NUP62: variants seen among roughly 807,000 people sequenced by gnomAD.
NUP62 encodes nucleoporin 62.
For missense variants in NUP62, 647 were observed against 689.4 expected (o/e 0.94, Z 0.69); for synonymous variants, 305 against 303.4 (o/e 1.01, Z -0.05).
At chr19:49,912,304 G>A (rs2075488300) in intron 2 of NUP62, among the ~76,000 whole-genome samples, 1 of 152,006 alleles carries the variant, frequency 6.6e-6, no homozygotes, top group South Asian at 2.1e-4. Context: ...AAGTAGCTGG[G>A]ATTACAGGCG....
intron 2 of NUP62, among the ~76,000 whole-genome samples, chr19:49,923,195 C>G (rs79313658): frequency 6.6e-6 from 1 of 152,164 alleles, no homozygotes; most frequent in Non-Finnish European, 1.5e-5. Flanking sequence ...TCCCAGCCCC[C>G]GCGTCATCCT....
At chr19:49,912,791 A>G (rs1444422840) in intron 2 of NUP62, 1 of 149,086 alleles carries the variant, frequency 6.7e-6, no homozygotes, top group Non-Finnish European at 1.5e-5. Context: ...ACTGGAGCCC[A>G]GGGAGGTGGA....
intron 2 of NUP62, among the ~76,000 whole-genome samples, chr19:49,920,781 G>C (rs750651990): frequency 6.6e-6 from 1 of 152,246 alleles, no homozygotes; most frequent in Non-Finnish European, 1.5e-5. Flanking sequence ...GGCCTGGAGA[G>C]GGACTGAGGC....
intron 2 of NUP62, among the ~76,000 whole-genome samples, chr19:49,926,208 C>CAAAAAAAA (rs33981121): frequency 2.4e-5 from 1 of 42,514 alleles, no homozygotes; most frequent in Non-Finnish European, 4.2e-5. Flanking sequence ...GACTCTGTCT[C>CAAAAAAAA]AAAAAAAAAA....
At chr19:49,926,994 G>T (rs1008267180) in intron 2 of NUP62, among the ~76,000 whole-genome samples, 2 of 151,912 alleles carry the variant, frequency 1.3e-5, no homozygotes, top group African/African-American at 4.8e-5. Flanking sequence ...TGAGTAGCTG[G>T]GACCACAGGT....
intron 2 of NUP62, among the ~76,000 whole-genome samples, chr19:49,923,008 A>T (rs565422176): frequency 1.3e-5 from 2 of 152,256 alleles, no homozygotes; most frequent in East Asian, 3.9e-4. Flanking sequence ...CCAGACCACT[A>T]AGCGGTGAGT....
chr19:49,911,050 G>A (rs1461486297), intron 2 of NUP62: 1 of 152,226 alleles, frequency 6.6e-6, no homozygotes, highest in African/African-American at 2.4e-5. Context: ...GACTACAGGT[G>A]CATGCCACCA....
At chr19:49,917,935 G>A (rs2075666028) in intron 2 of NUP62, 1 of 152,376 alleles carries the variant, frequency 6.6e-6, no homozygotes, top group African/African-American at 2.4e-5. Context: ...GAGAGGCTGA[G>A]GCGGAGGTTG....
chr19:49,918,460 A>G (rs960851886), intron 2 of NUP62: 1 of 152,242 alleles, frequency 6.6e-6, no homozygotes, highest in Non-Finnish European at 1.5e-5. Context: ...TCTCCTCCAC[A>G]GAACCAGGTA....
At chr19:49,923,861 CGGAA>C (rs2075821568) in intron 2 of NUP62, among the ~76,000 whole-genome samples, 1 of 152,216 alleles carries the variant, frequency 6.6e-6, no homozygotes. Context: ...ACCCACGCTG[CGGAA>C]GGCAGCCGAG....
intron 2 of NUP62, among the ~76,000 whole-genome samples, chr19:49,916,879 C>T (rs1459147547): frequency 5.3e-5 from 8 of 152,224 alleles, no homozygotes. Context: ...TGTGATCATG[C>T]CACCATACTT....
rs367743600 is a variant in NUP62, at chr19:49,908,944, G to C, written c.864C>G (p.Thr288=). 1 of 1,609,236 alleles carries C rather than the reference G, an allele frequency of 6.2e-7. No individual in the cohort carries two copies. Residue 288 remains threonine, a synonymous_variant, in exon 3 of 3, where the codon ACC becomes ACG. Transcript: ENST00000352066. Reference sequence around the variant, plus strand: ...GTGGTTTTAAATTCAAGGCAAAGCCGGTGGTGCTGCTGCTGCTGGTGGTGG... The same window carrying C: ...GTGGTTTTAAATTCAAGGCAAAGCCCGTGGTGCTGCTGCTGCTGGTGGTGG... The part of the protein sequence containing the change: ...TATTTSSSST[T]GFALNLKPLA...
intron 2 of NUP62, among the ~76,000 whole-genome samples, chr19:49,915,858 A>G (rs2075610703): frequency 2.0e-5 from 3 of 152,350 alleles, no homozygotes; most frequent in South Asian, 4.1e-4. Flanking sequence ...CAGCCACGAT[A>G]GGCCATCTAT....
Position 49,908,504 on chromosome 19 carries a change from T to C in NUP62, c.1304A>G (p.Lys435Arg). 1 of 1,614,132 alleles carries C rather than the reference T, an allele frequency of 6.2e-7. No homozygotes were observed. The highest frequency in any genetic ancestry group is 8.5e-7 in the Non-Finnish European group (1 of 1,180,036). Residue 435 changes from lysine to arginine, a missense_variant, in exon 3 of 3, where the codon AAG (lysine) becomes AGG (arginine). By Grantham distance (26) the Lys-to-Arg change is conservative (BLOSUM62 2). Coordinates refer to ENST00000352066, the MANE Select transcript of NUP62 (RefSeq NM_016553.5). ...HADEEREKTYKLAENIDAQLK... is the reference protein window; with the variant it reads ...HADEEREKTYRLAENIDAQLK... ...CTGTGCATCGATGTTCTCAGCCAGC[T>C]TGTAGGTTTTCTCACGCTCCTCATC...
intron 2 of NUP62, among the ~76,000 whole-genome samples, chr19:49,918,917 G>T (rs1158194395): frequency 7.5e-6 from 1 of 133,884 alleles, no homozygotes; most frequent in South Asian, 2.6e-4. Context: ...GGCGGGGTGT[G>T]GGGGGGCGGA....
chr19:49,926,022 A>C (rs935877744), intron 2 of NUP62, among the ~76,000 whole-genome samples: 2 of 152,026 alleles, frequency 1.3e-5, no homozygotes, highest in Non-Finnish European at 1.5e-5. Context: ...CAGCCTGACC[A>C]ACATGGTGAA....
At chr19:49,926,390 C>T (rs1348336407) in intron 2 of NUP62, among the ~76,000 whole-genome samples, 10 of 151,730 alleles carry the variant, frequency 6.6e-5, no homozygotes, top group African/African-American at 1.7e-4. Context: ...ATTAGCCAGG[C>T]GTGGTGGTGG....
chr19:49,907,186 G>T lies in NUP62; in HGVS notation c.*1053C>A. 1 of 181,744 alleles carries T rather than the reference G, an allele frequency of 5.5e-6. No individual in the cohort carries two copies. The highest frequency in any genetic ancestry group is 1.2e-5 in the Non-Finnish European group (1 of 84,520). 11.3% of individuals were successfully genotyped at this position (181,744 alleles called of 1,614,324 possible). A position where few individuals can be genotyped will look rare whatever the true frequency, so the allele number is the denominator to read the frequency against. On this transcript the variant is annotated 3_prime_UTR_variant, in exon 3 of 3. Coordinates refer to ENST00000352066, the MANE Select transcript of NUP62 (RefSeq NM_016553.5). ...TCTAACAGCGAGACGAGGCACAAAC[G>T]GCTAGCACAGGATAGCATAACAAGT...
At chr19:49,923,744 C>A (rs910393081) in intron 2 of NUP62, among the ~76,000 whole-genome samples, 1 of 152,232 alleles carries the variant, frequency 6.6e-6, no homozygotes, top group Non-Finnish European at 1.5e-5. Flanking sequence ...CCCCATTTTA[C>A]GGAGGGGAAA....
Sources: gnomAD v4.1 joint callset for allele counts (sites outside exome capture counted in the v4.1 genomes callset) on GRCh38, gnomAD v4.1.1 for gene constraint, MANE v1.5 for transcripts, NCBI Gene and HGNC (gene_info 2026-07-23, HGNC 2026-07-21) for gene names.